The following MSH4 variants were observed in gnomAD, a reference collection of about 807,000 sequenced individuals.
MSH4 encodes mutS protein homolog 4.
A neutral mutation model predicts 113.7 loss-of-function variants in MSH4; 106 were observed. The ratio of observed to expected loss-of-function variants is 0.93; its 90% CI spans 0.80 to 1.10. MSH4 has a LOEUF of 1.10. Among genes scored for constraint, MSH4 ranks in the 50% least tolerant of loss-of-function variants. The pLI is 0.00. For missense variants in MSH4, 1,061 were observed against 1,093.7 expected (o/e 0.97, Z 0.42); for synonymous variants, 368 against 380.2 (o/e 0.97, Z 0.37).
chr1:75,849,940 C>T (rs1339352110), intron 8 of MSH4, among the ~76,000 whole-genome samples: 2 of 152,104 alleles, frequency 1.3e-5, no homozygotes, highest in East Asian at 1.9e-4. Context: ...AAGAATTTTT[C>T]ATTTCACCCA....
intron 8 of MSH4, among the ~76,000 whole-genome samples, chr1:75,849,860 T>C (rs1249287368): frequency 1.3e-5 from 2 of 152,168 alleles, no homozygotes; most frequent in Non-Finnish European, 2.9e-5. Flanking sequence ...ATTCCACTTA[T>C]TAAATAGGCA....
chr1:75,860,229 G>A (rs1034797677), intron 8 of MSH4, among the ~76,000 whole-genome samples: 1 of 152,120 alleles, frequency 6.6e-6, no homozygotes, highest in Non-Finnish European at 1.5e-5. Flanking sequence ...TTGCCAGTAT[G>A]TGTCTTTTAA....
chr1:75,822,199 G>A (rs1382592663), intron 6 of MSH4, among the ~76,000 whole-genome samples: 1 of 149,654 alleles, frequency 6.7e-6, no homozygotes, highest in Non-Finnish European at 1.5e-5. Context: ...TGAGGCAGGA[G>A]AATGGCGTGA....
chr1:75,875,958 T>G (rs2029683), intron 9 of MSH4, among the ~76,000 whole-genome samples: 116,031 of 152,068 alleles, frequency 0.76, 44,425 homozygotes, highest in East Asian at 0.98. Flanking sequence ...CTTTCTGGTG[T>G]TTCCATGTAC....
At chr1:75,885,140 A>G (rs1448624833) in intron 15 of MSH4, among the ~76,000 whole-genome samples, 2 of 144,826 alleles carry the variant, frequency 1.4e-5, no homozygotes, top group Admixed American at 1.4e-4. Context: ...ATGGAGGTTA[A>G]GAGAGCAGAG....
At chr1:75,899,210 G>C (rs1652455028) in intron 18 of MSH4, among the ~76,000 whole-genome samples, 1 of 152,128 alleles carries the variant, frequency 6.6e-6, no homozygotes, top group Admixed American at 6.5e-5. Context: ...CATTGATTTA[G>C]GTGGGTGAAT....
intron 16 of MSH4, 80 bp from the exon 17 acceptor site, chr1:75,890,616 C>T: frequency 1.5e-6 from 1 of 675,180 alleles, no homozygotes; most frequent in South Asian, 2.4e-5. Context: ...TATAAAGAGA[C>T]TGGGTTTCTC....
At chr1:75,798,136 T>A (rs1649858720) in intron 1 of MSH4, among the ~76,000 whole-genome samples, 1 of 152,126 alleles carries the variant, frequency 6.6e-6, no homozygotes, top group African/African-American at 2.4e-5. Context: ...TCTTAATTTC[T>A]TTATTTTTAG....
chr1:75,894,147 TA>T (rs1557528560), intron 17 of MSH4, among the ~76,000 whole-genome samples: 2 of 152,164 alleles, frequency 1.3e-5, no homozygotes, highest in Non-Finnish European at 2.9e-5. Flanking sequence ...CGGCCCACCA[TA>T]AGGCCTTTAC....
intron 18 of MSH4, 88 bp from the exon 19 acceptor site, chr1:75,899,530 G>A (rs1040867689): frequency 1.8e-5 from 12 of 659,320 alleles, no homozygotes; most frequent in Non-Finnish European, 2.9e-5. Flanking sequence ...GTTTAAATCT[G>A]TGACTAAAAG....
chr1:75,882,648 G>A (rs1427094962), intron 14 of MSH4, among the ~76,000 whole-genome samples: 1 of 131,472 alleles, frequency 7.6e-6, no homozygotes, highest in African/African-American at 2.8e-5. Context: ...GGGCAACATA[G>A]CTAGACCTCA....
intron 7 of MSH4, among the ~76,000 whole-genome samples, chr1:75,842,178 T>C (rs988321056): frequency 2.6e-5 from 4 of 152,168 alleles, no homozygotes; most frequent in African/African-American, 4.8e-5. Context: ...CATTTTCTAG[T>C]TGACAATTGG....
At chr1:75,912,659 T>A in intron 19 of MSH4, 37 bp from the exon 20 acceptor site, 1 of 1,158,846 alleles carries the variant, frequency 8.6e-7, no homozygotes, top group Middle Eastern at 2.3e-4. Flanking sequence ...ATGGTATTTG[T>A]GTATATATAT....
chr1:75,897,193 A>G (rs1652404261), intron 17 of MSH4, among the ~76,000 whole-genome samples: 1 of 152,130 alleles, frequency 6.6e-6, no homozygotes, highest in Non-Finnish European at 1.5e-5. Flanking sequence ...AACCACTTTC[A>G]TCAAAATCAC....
Position 75,810,761 on chromosome 1 carries a change from T to C in MSH4, c.653T>C (p.Val218Ala), listed in dbSNP as rs1650173804. ...EIIMSNTACAVGNSTKLFTLI... is the reference protein window; with the variant it reads ...EIIMSNTACAAGNSTKLFTLI... ...ATAATGTCAAATACTGCTTGTGCTG[T>C]GGGGAATTCCACCAAGTTGTTCACT... Residue 218 changes from valine (V) to alanine (A), a missense_variant, in exon 4 of 20, where the codon GTG (valine) becomes GCG (alanine). By Grantham distance (64) the Val-to-Ala change is moderately conservative. Coordinates refer to ENST00000263187, the MANE Select transcript of MSH4 (RefSeq NM_002440.4). 6.3e-7 allele frequency: 1 copy of C among 1,592,672 alleles called. No individual in the cohort carries two copies. Among genetic ancestry groups the C allele is most frequent in the Admixed American group, 1.8e-5 (1 of 56,316 alleles).
intron 15 of MSH4, among the ~76,000 whole-genome samples, chr1:75,888,010 A>G (rs1323636618): frequency 1.3e-5 from 2 of 150,714 alleles, no homozygotes; most frequent in African/African-American, 4.9e-5. Flanking sequence ...TTATTGGGTT[A>G]TTTTGAAAAT....
At chr1:75,834,722 G>A (rs1295592697) in intron 7 of MSH4, among the ~76,000 whole-genome samples, 1 of 152,142 alleles carries the variant, frequency 6.6e-6, no homozygotes, top group Non-Finnish European at 1.5e-5. Flanking sequence ...TAGGTGGGAA[G>A]TGAACAATGA....
At chr1:75,862,033 G>A (rs1347961188) in intron 8 of MSH4, among the ~76,000 whole-genome samples, 1 of 152,050 alleles carries the variant, frequency 6.6e-6, no homozygotes, top group African/African-American at 2.4e-5. Context: ...CACATCCCAG[G>A]TTGATCTCAG....
Position 75,865,012 on chromosome 1 carries a change from C to A in MSH4, c.1231-2502C>A, listed in dbSNP as rs978744058. ...TGAATAAATACCCCATTTTCCTTAC[C>A]TCTGGAGATAGCTTCTGAAACTTAC... On this transcript the variant is annotated intron_variant, in intron 8 of 19. Coordinates refer to ENST00000263187, the MANE Select transcript of MSH4 (RefSeq NM_002440.4). Among the ~76,000 whole-genome samples, 4 of 152,016 alleles carry A rather than the reference C, an allele frequency of 2.6e-5. No homozygotes were observed. The South Asian group carries it at 8.3e-4, about 32-fold the overall frequency.
Sources: gnomAD v4.1 joint callset for allele counts (sites outside exome capture counted in the v4.1 genomes callset) on GRCh38, gnomAD v4.1.1 for gene constraint, MANE v1.5 for transcripts, NCBI Gene and HGNC (gene_info 2026-07-23, HGNC 2026-07-21) for gene names.